The following CELF2 variants were observed in gnomAD, a reference collection of about 807,000 sequenced individuals.
CELF2 encodes the protein CUGBP Elav-like family member 2.
Under a neutral mutation model 62.6 loss-of-function variants are expected in CELF2, and 8 were observed. The ratio of observed to expected loss-of-function variants is 0.13; its 90% CI spans 0.07 to 0.23. The LOEUF (loss-of-function observed/expected upper bound fraction) is 0.23, where lower values mean the gene tolerates loss of function less well. Among genes scored for constraint, CELF2 ranks in the 10% least tolerant of loss-of-function variants. The pLI is 1.00. For synonymous variants in CELF2, 258 were observed against 250.0 expected, an observed-to-expected ratio of 1.03 and a Z score of -0.30; for missense variants, 333 against 671.0, an observed-to-expected ratio of 0.50 and a Z score of 5.56.
chr10:10,958,247 T>G (rs1298173893), intron 2 of CELF2, among the ~76,000 whole-genome samples: 1 of 152,216 alleles, frequency 6.6e-6, no homozygotes, highest in Non-Finnish European at 1.5e-5. Flanking sequence ...AAATATCACT[T>G]TTCCTGGGCT....
At position 11,103,412 on chromosome 10, in the gene CELF2, A is replaced by C. The variant is rs200016096; in HGVS notation, c.75-62074A>C. On this transcript the variant is annotated intron_variant, in intron 1 of 12. Transcript: ENST00000633077. Reference sequence around the variant, plus strand: ...ACTTACATTTTTATTAACATTTTACAAGAGGCTGCATGGCCTAGTGCTCTT... The same window carrying C: ...ACTTACATTTTTATTAACATTTTACCAGAGGCTGCATGGCCTAGTGCTCTT... 6.6e-5 allele frequency among the ~76,000 whole-genome samples: 10 copies of C among 151,198 alleles called. No individual in the cohort carries two copies. The East Asian group carries it at 1.9e-3, about 29-fold the overall frequency.
chr10:10,835,238 C>T (rs771585975), intron 1 of CELF2, among the ~76,000 whole-genome samples: 2 of 152,040 alleles, frequency 1.3e-5, no homozygotes, highest in Admixed American at 6.6e-5. Flanking sequence ...CTGCAGCCTC[C>T]GTGCTCGGCT....
the CELF2 span, among the ~76,000 whole-genome samples, chr10:10,649,095 C>T: frequency 6.6e-6 from 1 of 152,190 alleles, no homozygotes; most frequent in Non-Finnish European, 1.5e-5. Flanking sequence ...GAAACGGGCA[C>T]TGGTCTAAAG....
At chr10:11,063,402 A>G (rs773743290) in intron 1 of CELF2, among the ~76,000 whole-genome samples, 4 of 152,224 alleles carry the variant, frequency 2.6e-5, no homozygotes, top group African/African-American at 4.8e-5. Flanking sequence ...TAAAATCTCC[A>G]CATGGGAACA....
At chr10:11,252,787 C>G (rs2653518) in intron 4 of CELF2, among the ~76,000 whole-genome samples, 3,449 of 152,258 alleles carry the variant, frequency 0.023, 129 homozygotes, top group African/African-American at 0.079. Context: ...AATAATCCCA[C>G]TCTGGAGAAG....
chr10:10,481,729 G>C, the CELF2 span, among the ~76,000 whole-genome samples: 1 of 152,178 alleles, frequency 6.6e-6, no homozygotes, highest in African/African-American at 2.4e-5. Flanking sequence ...TTCAGATCTC[G>C]ATATTTTGTG....
rs903959645 is a variant in CELF2, at chr10:11,270,526, A to C, written c.619-140A>C. On this transcript the variant is annotated intron_variant, in intron 6 of 12. Transcript: ENST00000633077. The surrounding 1 kb of genome is among the most constrained non-coding windows in gnomAD (Gnocchi z 5.8). The stretch of plus-strand genomic sequence containing the variant: ...GATGGTACTATTCAGAGAAGAAGGA[A>C]TATCAAACCGTTTTAAACCATTTCA... 2.5e-5 allele frequency: 16 copies of C among 639,262 alleles called. No individual in the cohort carries two copies. The highest frequency in any genetic ancestry group is 3.4e-5 in the Non-Finnish European group (14 of 414,458). The allele number at this position is 639,262 out of a possible 1,614,324, so 39.6% of individuals were successfully genotyped here. A position where few individuals can be genotyped will look rare whatever the true frequency, so the allele number is the denominator to read the frequency against.
intron 1 of CELF2, among the ~76,000 whole-genome samples, chr10:11,090,267 G>C (rs1035981918): frequency 1.3e-5 from 2 of 152,182 alleles, no homozygotes; most frequent in African/African-American, 4.8e-5. Context: ...AGTAATCGTG[G>C]AAGACTTAGG....
At chr10:10,680,180 C>T in the CELF2 span, among the ~76,000 whole-genome samples, 4 of 149,610 alleles carry the variant, frequency 2.7e-5, no homozygotes, top group African/African-American at 7.5e-5. Context: ...TATGTATGTG[C>T]GTATGTGTAT....
intron 2 of CELF2, among the ~76,000 whole-genome samples, chr10:10,932,004 C>T (rs565436264): frequency 1.3e-5 from 2 of 152,128 alleles, no homozygotes; most frequent in Admixed American, 6.5e-5. Context: ...ATGGGAAAGA[C>T]CTGCCCCCAT....
At chr10:10,913,989 AAG>A (rs1804223034) in intron 1 of CELF2, among the ~76,000 whole-genome samples, 1 of 150,690 alleles carries the variant, frequency 6.6e-6, no homozygotes, top group African/African-American at 2.4e-5. Context: ...AGGGAAGGGG[AAG>A]AGAGGGGAGG....
At chr10:10,708,573 A>G in the CELF2 span, among the ~76,000 whole-genome samples, 2 of 152,186 alleles carry the variant, frequency 1.3e-5, no homozygotes, top group African/African-American at 4.8e-5. Flanking sequence ...GTGCTTCATG[A>G]TAAGAAAAGT....
At chr10:10,626,909 T>G in the CELF2 span, among the ~76,000 whole-genome samples, 14 of 152,338 alleles carry the variant, frequency 9.2e-5, 1 homozygote, top group East Asian at 2.7e-3. Context: ...GATTTTTGTT[T>G]CCAGCATTCC....
chr10:11,142,873 T>TG (rs2061590402), intron 1 of CELF2, among the ~76,000 whole-genome samples: 1 of 152,066 alleles, frequency 6.6e-6, no homozygotes, highest in Admixed American at 6.5e-5. Flanking sequence ...CTCCCTCCAC[T>TG]GGGGGGACTC....
At chr10:10,678,241 G>C in the CELF2 span, among the ~76,000 whole-genome samples, 1 of 151,874 alleles carries the variant, frequency 6.6e-6, no homozygotes, top group Non-Finnish European at 1.5e-5. Context: ...TTGTTTTATG[G>C]TCAAGAAATT....
intron 2 of CELF2, among the ~76,000 whole-genome samples, chr10:11,180,620 A>G (rs145241595): frequency 1.8e-3 from 280 of 152,342 alleles, no homozygotes; most frequent in Middle Eastern, 0.017. Flanking sequence ...TGAGCCTTTC[A>G]GTGACAGGAA....
chr10:11,014,305 G>A (rs2056924493), upstream of CELF2, among the ~76,000 whole-genome samples: 2 of 152,178 alleles, frequency 1.3e-5, no homozygotes, highest in African/African-American at 4.8e-5. Flanking sequence ...AGGGCTGATA[G>A]CTACTGCCTT....
chr10:10,616,790 A>G, the CELF2 span, among the ~76,000 whole-genome samples: 7 of 151,874 alleles, frequency 4.6e-5, no homozygotes, highest in South Asian at 1.5e-3. Context: ...CATAATAATC[A>G]TAGCTCACTG....
At chr10:10,871,349 C>T (rs1452810642) in intron 1 of CELF2, among the ~76,000 whole-genome samples, 2 of 152,206 alleles carry the variant, frequency 1.3e-5, no homozygotes, top group African/African-American at 2.4e-5. Flanking sequence ...AAAATCTATG[C>T]GCCACATCTA....
Sources: gnomAD v4.1 joint callset for allele counts (sites outside exome capture counted in the v4.1 genomes callset) on GRCh38, gnomAD v4.1.1 for gene constraint, Gnocchi (gnomAD v3.1) non-coding constraint, MANE v1.5 for transcripts, NCBI Gene and HGNC (gene_info 2026-07-23, HGNC 2026-07-21) for gene names.